DIAPH3: variants seen among roughly 807,000 people sequenced by gnomAD.
The protein encoded by DIAPH3 is diaphanous related formin 3.
DIAPH3 carries 117 observed loss-of-function variants against 144.3 expected under a neutral mutation model. The observed-to-expected ratio is 0.81, with a 90% CI of 0.70 to 0.95. DIAPH3 has a LOEUF of 0.95. Among genes scored for constraint, DIAPH3 ranks in the 40% least tolerant of loss-of-function variants. The pLI is 0.00. For synonymous variants in DIAPH3, 519 were observed against 488.9 expected, an observed-to-expected ratio of 1.06 and a Z score of -0.81; for missense variants, 1,421 against 1,412.7, an observed-to-expected ratio of 1.01 and a Z score of -0.09.
At chr13:59,779,647 G>C (rs1351016874) in intron 25 of DIAPH3, among the ~76,000 whole-genome samples, 1 of 151,922 alleles carries the variant, frequency 6.6e-6, no homozygotes, top group African/African-American at 2.4e-5. Context: ...AAGTAGCTGG[G>C]ATTACAGGCG....
At chr13:60,018,774 T>C (rs2053822460) in intron 5 of DIAPH3, among the ~76,000 whole-genome samples, 1 of 152,068 alleles carries the variant, frequency 6.6e-6, no homozygotes, top group Non-Finnish European at 1.5e-5. Flanking sequence ...GATTATACAT[T>C]ATATCTCATA....
intron 9 of DIAPH3, among the ~76,000 whole-genome samples, chr13:60,000,422 A>G (rs1447298566): frequency 2.7e-5 from 4 of 148,002 alleles, no homozygotes; most frequent in Non-Finnish European, 4.5e-5. Flanking sequence ...CCACAATAGG[A>G]AAAAAAAAAA....
At chr13:59,842,485 A>C (rs2042403191) in intron 22 of DIAPH3, among the ~76,000 whole-genome samples, 2 of 152,130 alleles carry the variant, frequency 1.3e-5, no homozygotes, top group South Asian at 4.1e-4. Flanking sequence ...TCCAATACCA[A>C]CTGGGTGTCC....
At chr13:59,994,340 G>C (rs1416937410) in intron 9 of DIAPH3, among the ~76,000 whole-genome samples, 1 of 151,870 alleles carries the variant, frequency 6.6e-6, no homozygotes, top group Non-Finnish European at 1.5e-5. Flanking sequence ...TAAAGACCAA[G>C]GAGTTCCTTG....
intron 4 of DIAPH3, among the ~76,000 whole-genome samples, chr13:60,058,669 CAT>C (rs1293367439): frequency 1.3e-5 from 2 of 151,824 alleles, no homozygotes; most frequent in Non-Finnish European, 2.9e-5. Flanking sequence ...GGTGTGTACA[CAT>C]GTGTATGTAT....
At chr13:60,046,424 T>C (rs1266004278) in intron 4 of DIAPH3, among the ~76,000 whole-genome samples, 3 of 152,150 alleles carry the variant, frequency 2.0e-5, no homozygotes, top group African/African-American at 2.4e-5. Context: ...CAAAATGAGA[T>C]ACCATCTCAC....
intron 1 of DIAPH3, among the ~76,000 whole-genome samples, chr13:60,140,499 T>C (rs1173810812): frequency 1.3e-5 from 2 of 152,018 alleles, no homozygotes; most frequent in East Asian, 3.9e-4. Flanking sequence ...CATGGAAAAA[T>C]GCTTACAATA....
chr13:59,878,790 C>T (rs928712268), intron 21 of DIAPH3, among the ~76,000 whole-genome samples: 2 of 152,012 alleles, frequency 1.3e-5, no homozygotes, highest in Non-Finnish European at 2.9e-5. Flanking sequence ...ATAAAGGGGT[C>T]CCATTTTTCT....
chr13:59,725,375 G>A (rs2035558813), intron 27 of DIAPH3, among the ~76,000 whole-genome samples: 1 of 152,192 alleles, frequency 6.6e-6, no homozygotes, highest in African/African-American at 2.4e-5. Context: ...ACAGAAGCAA[G>A]AGGAAAGGTC....
At chr13:59,710,542 T>C (rs2034679763) in intron 27 of DIAPH3, among the ~76,000 whole-genome samples, 1 of 152,230 alleles carries the variant, frequency 6.6e-6, no homozygotes, top group Admixed American at 6.5e-5. Context: ...ATAAAGAACT[T>C]GCTCAATTAA....
chr13:59,931,103 T>TA (rs1257778367), intron 17 of DIAPH3, among the ~76,000 whole-genome samples: 1 of 152,142 alleles, frequency 6.6e-6, no homozygotes, highest in Non-Finnish European at 1.5e-5. Flanking sequence ...TTCTTCAGCT[T>TA]AAAAAATGGG....
intron 3 of DIAPH3, among the ~76,000 whole-genome samples, chr13:60,099,184 T>C (rs889968832): frequency 6.6e-6 from 1 of 152,190 alleles, no homozygotes; most frequent in African/African-American, 2.4e-5. Flanking sequence ...ATGCTCAACT[T>C]ACAATGGGGT....
intron 2 of DIAPH3, among the ~76,000 whole-genome samples, chr13:60,119,349 C>T (rs2058776375): frequency 6.6e-6 from 1 of 152,196 alleles, no homozygotes; most frequent in Admixed American, 6.5e-5. Flanking sequence ...CTTCACATGA[C>T]TGTAGCTCCA....
chr13:60,156,427 C>T (rs898828321), intron 1 of DIAPH3, among the ~76,000 whole-genome samples: 6 of 152,106 alleles, frequency 3.9e-5, no homozygotes, highest in African/African-American at 1.2e-4. Flanking sequence ...CTTAAATACC[C>T]TCTTCATAGG....
At chr13:59,994,314 A>G (rs1306965426) in intron 9 of DIAPH3, among the ~76,000 whole-genome samples, 1 of 151,928 alleles carries the variant, frequency 6.6e-6, no homozygotes, top group African/African-American at 2.4e-5. Flanking sequence ...ATGGATAAAT[A>G]ATTCTATAAT....
At chr13:59,737,204 A>G (rs1398069455) in intron 27 of DIAPH3, among the ~76,000 whole-genome samples, 2 of 152,208 alleles carry the variant, frequency 1.3e-5, no homozygotes, top group African/African-American at 4.8e-5. Flanking sequence ...TCAACAGAGT[A>G]AACAGACAAC....
chr13:60,124,525 A>G (rs2058935129), intron 2 of DIAPH3, among the ~76,000 whole-genome samples: 1 of 152,144 alleles, frequency 6.6e-6, no homozygotes, highest in South Asian at 2.1e-4. Context: ...AAAACATCTT[A>G]GATATAGTAT....
At chr13:59,900,326 TG>T (rs1433949165) in intron 20 of DIAPH3, among the ~76,000 whole-genome samples, 20 of 152,330 alleles carry the variant, frequency 1.3e-4, no homozygotes, top group Admixed American at 9.8e-4. Flanking sequence ...GAGCAAGGTC[TG>T]GAGGCAAAAA....
intron 27 of DIAPH3, among the ~76,000 whole-genome samples, chr13:59,717,308 T>C (rs1397269643): frequency 6.6e-6 from 1 of 152,206 alleles, no homozygotes; most frequent in East Asian, 1.9e-4. Flanking sequence ...TTTTCCGTAC[T>C]TTAAGTATTT....
Sources: allele counts gnomAD v4.1 joint callset (sites outside exome capture counted in the v4.1 genomes callset), GRCh38; gene constraint gnomAD v4.1.1; transcripts MANE v1.5; gene names NCBI Gene and HGNC (gene_info 2026-07-23, HGNC 2026-07-21).